The following EPHB1 variants were observed in gnomAD, a reference collection of about 807,000 sequenced individuals.
The protein encoded by EPHB1 is ephrin type-B receptor 1.
A neutral mutation model predicts 94.4 loss-of-function variants in EPHB1; 30 were observed. The observed-to-expected ratio is 0.32, with a 90% CI of 0.24 to 0.43. The LOEUF is 0.43. EPHB1 is among the 20% of genes least tolerant of loss of function. The pLI, the probability that EPHB1 is intolerant of heterozygous loss-of-function variation, is 1.00. For synonymous variants in EPHB1, 522 were observed against 489.1 expected, an observed-to-expected ratio of 1.07 and a Z score of -0.89; for missense variants, 1,055 against 1,308.3, an observed-to-expected ratio of 0.81 and a Z score of 2.99.
At chr3:135,106,009 GA>G (rs990975480) in intron 3 of EPHB1, among the ~76,000 whole-genome samples, 3 of 152,158 alleles carry the variant, frequency 2.0e-5, no homozygotes, top group Non-Finnish European at 2.9e-5. Context: ...ACATGTCATT[GA>G]AAAACCTGGG....
At position 135,259,183 on chromosome 3, in the gene EPHB1, T is replaced by G; in HGVS notation, c.*63T>G. 3.8e-6 allele frequency: 5 copies of G among 1,309,662 alleles called. No individual in the cohort carries two copies. Among genetic ancestry groups the G allele is most frequent in the Non-Finnish European group, 5.4e-6 (5 of 927,012 alleles). The allele number at this position is 1,309,662 out of a possible 1,614,324, so 81.1% of individuals were successfully genotyped here. On this transcript the variant is annotated 3_prime_UTR_variant, in exon 16 of 16. Transcript: ENST00000398015. Reference sequence around the variant, plus strand: ...GACCAGGGTCAAGGGGGACCAGAGGTTGACCACTGTGGAATGTACTGGAGA... The same window carrying G: ...GACCAGGGTCAAGGGGGACCAGAGGGTGACCACTGTGGAATGTACTGGAGA...
intron 3 of EPHB1, among the ~76,000 whole-genome samples, chr3:134,964,988 A>G (rs905773627): frequency 2.6e-5 from 4 of 152,254 alleles, no homozygotes; most frequent in African/African-American, 7.2e-5. Flanking sequence ...CATTGAATCA[A>G]TAGCAAATAT....
In EPHB1 at chr3:135,192,854, C is replaced by T. The variant is rs759244618; in HGVS notation, c.2130+31C>T. ...AGCAACTCAGGGGTTTGATGATGCA[C>T]TTGGATGCAGGTGAATGATGGCTGG... On this transcript the variant is annotated intron_variant, in intron 11 of 15. Transcript: ENST00000398015. The T allele has an allele frequency of 3.7e-6, 6 of 1,603,828 alleles. No individual in the cohort carries two copies. The African/African-American group carries it at 5.4e-5, about 14-fold the overall frequency.
At chr3:135,197,817 G>GTT (rs534497179) in intron 11 of EPHB1, among the ~76,000 whole-genome samples, 1,936 of 148,100 alleles carry the variant, frequency 0.013, 36 homozygotes, top group African/African-American at 0.046. Flanking sequence ...AAATAAGTTA[G>GTT]TTTTTTTTTT....
chr3:135,186,409 G>T (rs1021783242), intron 10 of EPHB1, among the ~76,000 whole-genome samples: 1 of 152,190 alleles, frequency 6.6e-6, no homozygotes, highest in African/African-American at 2.4e-5. Flanking sequence ...CCCTGGTTTA[G>T]CCGTAACTCA....
At chr3:135,222,433 T>C (rs1943295615) in intron 12 of EPHB1, among the ~76,000 whole-genome samples, 1 of 152,142 alleles carries the variant, frequency 6.6e-6, no homozygotes, top group Non-Finnish European at 1.5e-5. Context: ...TCTCATATGA[T>C]CTTTTCTAGG....
chr3:135,242,404 A>G (rs544073914), intron 13 of EPHB1, among the ~76,000 whole-genome samples: 15 of 152,300 alleles, frequency 9.8e-5, no homozygotes, highest in Non-Finnish European at 2.1e-4. Context: ...CTTGTCAGCT[A>G]TGGAGTCAGC....
intron 3 of EPHB1, among the ~76,000 whole-genome samples, chr3:134,970,144 A>G (rs1012571731): frequency 6.6e-6 from 1 of 152,224 alleles, no homozygotes; most frequent in Non-Finnish European, 1.5e-5. Context: ...GTTCAAGTTT[A>G]TCTAACCAAT....
chr3:135,134,064 T>C (rs1319784264), intron 5 of EPHB1, among the ~76,000 whole-genome samples: 3 of 152,196 alleles, frequency 2.0e-5, no homozygotes, highest in Non-Finnish European at 4.4e-5. Flanking sequence ...CCAAGGGAGT[T>C]AGAGAAAAAT....
intron 4 of EPHB1, among the ~76,000 whole-genome samples, chr3:135,114,746 T>TAAAC (rs2107803076): frequency 6.7e-6 from 1 of 149,080 alleles, no homozygotes; most frequent in South Asian, 2.1e-4. Flanking sequence ...AATAAATAAA[T>TAAAC]AAATAAATAA....
intron 1 of EPHB1, among the ~76,000 whole-genome samples, chr3:134,903,141 G>T (rs992479272): frequency 2.6e-5 from 4 of 152,200 alleles, no homozygotes; most frequent in African/African-American, 9.7e-5. Context: ...CATCTTATTT[G>T]ATGTATTAAA....
At chr3:135,158,971 G>A (rs1360175079) in intron 6 of EPHB1, among the ~76,000 whole-genome samples, 1 of 152,068 alleles carries the variant, frequency 6.6e-6, no homozygotes, top group Non-Finnish European at 1.5e-5. Flanking sequence ...GCAATATCTT[G>A]TGCTCAATCA....
At chr3:134,925,247 G>C (rs1010892494) in intron 1 of EPHB1, among the ~76,000 whole-genome samples, 1 of 152,174 alleles carries the variant, frequency 6.6e-6, no homozygotes, top group East Asian at 1.9e-4. Context: ...CTTTGACAAA[G>C]CTATGTGAGC....
intron 3 of EPHB1, among the ~76,000 whole-genome samples, chr3:135,090,529 G>T (rs1163492784): frequency 1.3e-5 from 2 of 152,238 alleles, no homozygotes; most frequent in African/African-American, 4.8e-5. Context: ...GACTTGCAAA[G>T]TGCTACATCC....
At chr3:135,111,376 CAT>C (rs1459082983) in intron 4 of EPHB1, among the ~76,000 whole-genome samples, 2 of 152,162 alleles carry the variant, frequency 1.3e-5, no homozygotes, top group Non-Finnish European at 2.9e-5. Flanking sequence ...AGTTTGGAAA[CAT>C]TGCTTTAGAG....
intron 3 of EPHB1, among the ~76,000 whole-genome samples, chr3:135,038,153 C>T (rs760087251): frequency 6.6e-6 from 1 of 152,224 alleles, no homozygotes; most frequent in Non-Finnish European, 1.5e-5. Context: ...GGGGTAGCCT[C>T]CCTAAGTCCT....
chr3:134,847,082 G>A (rs1354127262), intron 1 of EPHB1, among the ~76,000 whole-genome samples: 7 of 151,968 alleles, frequency 4.6e-5, no homozygotes, highest in Non-Finnish European at 8.8e-5. Context: ...GAGGGTATGC[G>A]CCATTTCACG....
At chr3:135,198,141 C>T (rs572184834) in intron 11 of EPHB1, among the ~76,000 whole-genome samples, 15 of 152,250 alleles carry the variant, frequency 9.9e-5, no homozygotes, top group Non-Finnish European at 2.2e-4. Flanking sequence ...GGTTCTTCTC[C>T]CTGCAAAGCT....
chr3:135,093,243 G>C (rs1191150293), intron 3 of EPHB1, among the ~76,000 whole-genome samples: 3 of 152,146 alleles, frequency 2.0e-5, no homozygotes, highest in African/African-American at 2.4e-5. Context: ...ACAGAGACAT[G>C]ATGGTTCACA....
Sources: allele counts gnomAD v4.1 joint callset (sites outside exome capture counted in the v4.1 genomes callset), GRCh38; gene constraint gnomAD v4.1.1; transcripts MANE v1.5; gene names NCBI Gene and HGNC (gene_info 2026-07-23, HGNC 2026-07-21).